The following ADGRB3 variants were observed in gnomAD, a reference collection of about 807,000 sequenced individuals.
ADGRB3 encodes brain-specific angiogenesis inhibitor 3.
ADGRB3 carries 37 observed loss-of-function variants against 193.4 expected under a neutral mutation model. That is an observed-to-expected ratio of 0.19 (90% CI 0.15 to 0.25). ADGRB3 has a LOEUF of 0.25. Ranked by LOEUF, ADGRB3 falls within the 10% of genes least tolerant of loss-of-function variation. The pLI, the probability that ADGRB3 is intolerant of heterozygous loss-of-function variation, is 1.00. For synonymous variants in ADGRB3, 690 were observed against 644.2 expected (o/e 1.07, Z -1.08); for missense variants, 1,637 against 1,852.9 (o/e 0.88, Z 2.14).
chr6:69,189,543 C>T (rs529674853), intron 17 of ADGRB3, among the ~76,000 whole-genome samples: 1 of 152,262 alleles, frequency 6.6e-6, no homozygotes, highest in South Asian at 2.1e-4. Context: ...GAGTCATACA[C>T]ATTAACATTC....
intron 17 of ADGRB3, among the ~76,000 whole-genome samples, chr6:69,158,126 A>T (rs1263247940): frequency 6.6e-6 from 1 of 152,120 alleles, no homozygotes; most frequent in African/African-American, 2.4e-5. Flanking sequence ...CCCTAGTAGC[A>T]TTTATGATGA....
intron 13 of ADGRB3, among the ~76,000 whole-genome samples, chr6:69,045,015 T>C (rs1280538727): frequency 6.6e-6 from 1 of 152,214 alleles, no homozygotes; most frequent in Admixed American, 6.5e-5. Flanking sequence ...TTTATCAGCA[T>C]GAGGCACATA....
chr6:68,984,436 G>T (rs576713768), intron 10 of ADGRB3, among the ~76,000 whole-genome samples: 2 of 152,102 alleles, frequency 1.3e-5, no homozygotes, highest in Non-Finnish European at 2.9e-5. Context: ...TTGGATATGG[G>T]AGTCGGAAAC....
chr6:68,799,220 A>C (rs1009445869), intron 3 of ADGRB3, among the ~76,000 whole-genome samples: 1 of 152,196 alleles, frequency 6.6e-6, no homozygotes, highest in Non-Finnish European at 1.5e-5. Context: ...AGCATAAACA[A>C]CATTACACTG....
chr6:68,731,739 G>A (rs141900529), intron 3 of ADGRB3, among the ~76,000 whole-genome samples: 132 of 151,444 alleles, frequency 8.7e-4, no homozygotes, highest in African/African-American at 3.1e-3. Flanking sequence ...CTGTTTTAGT[G>A]TAAGATTATA....
At chr6:68,647,305 C>T (rs569207576) in intron 3 of ADGRB3, among the ~76,000 whole-genome samples, 14 of 152,040 alleles carry the variant, frequency 9.2e-5, no homozygotes, top group Non-Finnish European at 1.5e-4. Context: ...TTTCATTATA[C>T]GATGTCATTA....
intron 17 of ADGRB3, among the ~76,000 whole-genome samples, chr6:69,177,022 C>A (rs145841644): frequency 1.1e-4 from 16 of 152,224 alleles, no homozygotes; most frequent in African/African-American, 3.9e-4. Flanking sequence ...TTCTCTCTTT[C>A]TTTCTAACTT....
At chr6:69,368,960 A>G (rs1429193060) in intron 29 of ADGRB3, among the ~76,000 whole-genome samples, 1 of 152,150 alleles carries the variant, frequency 6.6e-6, no homozygotes, top group Admixed American at 6.6e-5. Context: ...GAAGGTTTCC[A>G]TTACCTACTT....
chr6:68,828,045 A>G (rs1213164976), intron 3 of ADGRB3, among the ~76,000 whole-genome samples: 1 of 152,228 alleles, frequency 6.6e-6, no homozygotes, highest in East Asian at 1.9e-4. Flanking sequence ...TCACTTAAAA[A>G]TGCACAAAAC....
chr6:68,824,883 A>C (rs188840586), intron 3 of ADGRB3, among the ~76,000 whole-genome samples: 152 of 152,010 alleles, frequency 1.0e-3, no homozygotes, highest in African/African-American at 3.5e-3. Flanking sequence ...GAGACAGAGT[A>C]TCACTCTGTC....
intron 3 of ADGRB3, among the ~76,000 whole-genome samples, chr6:68,726,946 A>G (rs1434699553): frequency 6.6e-6 from 1 of 151,490 alleles, no homozygotes; most frequent in Non-Finnish European, 1.5e-5. Flanking sequence ...CAATGTTGGA[A>G]ACTAAGATCT....
At chr6:69,256,911 G>A (rs559686494) in intron 20 of ADGRB3, among the ~76,000 whole-genome samples, 76 of 152,310 alleles carry the variant, frequency 5.0e-4, no homozygotes, top group African/African-American at 1.7e-3. Flanking sequence ...TTTTTAGCAT[G>A]AAGGTTGTTG....
intron 20 of ADGRB3, among the ~76,000 whole-genome samples, chr6:69,306,891 C>T (rs1260574922): frequency 2.0e-5 from 3 of 151,322 alleles, no homozygotes; most frequent in Admixed American, 1.3e-4. Flanking sequence ...AGCAAGATTT[C>T]TCAGTGTATT....
chr6:69,118,571 A>T (rs1025633027), intron 17 of ADGRB3, among the ~76,000 whole-genome samples: 1 of 152,180 alleles, frequency 6.6e-6, no homozygotes, highest in South Asian at 2.1e-4. Context: ...AATTGCATTT[A>T]GAATCTTACT....
At chr6:68,984,800 C>G (rs1292936261) in intron 10 of ADGRB3, among the ~76,000 whole-genome samples, 1 of 152,080 alleles carries the variant, frequency 6.6e-6, no homozygotes, top group Non-Finnish European at 1.5e-5. Flanking sequence ...AAGATACTTT[C>G]TCCTTTATAA....
chr6:68,973,615 C>G (rs1768650500), intron 8 of ADGRB3, among the ~76,000 whole-genome samples: 1 of 152,132 alleles, frequency 6.6e-6, no homozygotes, highest in East Asian at 1.9e-4. Context: ...ACTTATTTAT[C>G]AAGGTATTTA....
Position 68,906,397 on chromosome 6 carries a change from A to G in ADGRB3, c.758-24162A>G, listed in dbSNP as rs1312650910. Among the ~76,000 whole-genome samples, 4 of 150,100 alleles carry G rather than the reference A, an allele frequency of 2.7e-5. No individual in the cohort carries two copies. The East Asian group carries it at 7.7e-4, about 29-fold the overall frequency. Reference sequence around the variant, plus strand: ...CCATATATATTGTTGCTTGTAGCCTACAAGCAAGAAGGTATACCATATATA... The same window carrying G: ...CCATATATATTGTTGCTTGTAGCCTGCAAGCAAGAAGGTATACCATATATA... On this transcript the variant is annotated intron_variant, in intron 3 of 31. Transcript: ENST00000370598.
intron 20 of ADGRB3, among the ~76,000 whole-genome samples, chr6:69,255,015 T>C (rs1766725420): frequency 6.6e-6 from 1 of 151,742 alleles, no homozygotes; most frequent in South Asian, 2.1e-4. Flanking sequence ...ATTTCATCCA[T>C]GTCCCTACAA....
intron 3 of ADGRB3, among the ~76,000 whole-genome samples, chr6:68,701,566 C>T (rs1470514298): frequency 1.3e-5 from 2 of 152,162 alleles, no homozygotes; most frequent in African/African-American, 4.8e-5. Flanking sequence ...TTTGCATTTG[C>T]AAGTTGGTGT....
Sources: allele counts gnomAD v4.1 joint callset (sites outside exome capture counted in the v4.1 genomes callset), GRCh38; gene constraint gnomAD v4.1.1; transcripts MANE v1.5; gene names NCBI Gene and HGNC (gene_info 2026-07-23, HGNC 2026-07-21).